The following ZNF638 variants were observed in gnomAD, a reference collection of about 807,000 sequenced individuals.
The protein encoded by ZNF638 is zinc finger protein 638.
Under a neutral mutation model 195.6 loss-of-function variants are expected in ZNF638, and 46 were observed. The observed-to-expected ratio is 0.24, with a 90% CI of 0.19 to 0.30. The LOEUF (loss-of-function observed/expected upper bound fraction) is 0.30. ZNF638 is among the 10% of genes least tolerant of loss of function. The probability of loss-of-function intolerance (pLI) is 1.00; values close to 1 mark genes in which losing one functional copy is unlikely to be tolerated. For missense variants in ZNF638, 2,440 were observed against 2,325.3 expected, an observed-to-expected ratio of 1.05 and a Z score of -1.01; for synonymous variants, 845 against 772.0, an observed-to-expected ratio of 1.09 and a Z score of -1.57.
chr2:71,357,399 C>T (rs1404904548), intron 3 of ZNF638, among the ~76,000 whole-genome samples: 1 of 152,142 alleles, frequency 6.6e-6, no homozygotes, highest in Admixed American at 6.5e-5. Context: ...CATAGGTTAT[C>T]ATGGGGAGAT....
rs780206680 is a variant in ZNF638, at chr2:71,349,524, T to G, written c.570T>G (p.Pro190=). The change falls in exon 2 of 28, where the codon CCT becomes CCG. Residue 190 remains proline, a synonymous_variant. Coordinates refer to ENST00000264447, the MANE Select transcript of ZNF638 (RefSeq NM_014497.5). ...TGGGGCGCCGATTACCTAATTTACC[T>G]TCTCAGAGCAGAAATAAAGAAACAC... ...RKMGRRLPNL[P]SQSRNKETLG... The G allele has an allele frequency of 6.2e-7, 1 of 1,614,196 alleles. No homozygotes were observed. The highest frequency in any genetic ancestry group is 8.5e-7 in the Non-Finnish European group (1 of 1,180,008).
At chr2:71,425,837 G>A (rs925472169) in intron 23 of ZNF638, among the ~76,000 whole-genome samples, 4 of 151,958 alleles carry the variant, frequency 2.6e-5, no homozygotes, top group Non-Finnish European at 5.9e-5. Flanking sequence ...GCTAATTTTT[G>A]TATTTTTAGT....
chr2:71,390,990 C>T (rs2079763784), intron 10 of ZNF638, among the ~76,000 whole-genome samples: 1 of 152,216 alleles, frequency 6.6e-6, no homozygotes, highest in African/African-American at 2.4e-5. Flanking sequence ...TTCCCCTACC[C>T]CTGACGTGGT....
At chr2:71,354,764 G>A (rs796212234) in intron 2 of ZNF638, among the ~76,000 whole-genome samples, 32 of 150,668 alleles carry the variant, frequency 2.1e-4, no homozygotes, top group South Asian at 1.1e-3. Context: ...AAAAAAAAAA[G>A]AAGCATTTCG....
At chr2:71,400,601 A>G in intron 15 of ZNF638, 83 bp downstream of exon 15, 1 of 1,186,576 alleles carries the variant, frequency 8.4e-7, no homozygotes, top group Non-Finnish European at 1.2e-6. Context: ...CAGGTAAAAA[A>G]TTCATGGTAT....
intron 8 of ZNF638, among the ~76,000 whole-genome samples, chr2:71,377,210 G>C (rs1403008481): frequency 6.6e-6 from 1 of 152,106 alleles, no homozygotes; most frequent in Non-Finnish European, 1.5e-5. Context: ...GGTTGGCTGG[G>C]TGACGGAGTG....
intron 20 of ZNF638, among the ~76,000 whole-genome samples, chr2:71,410,324 G>T (rs1382586956): frequency 3.3e-5 from 5 of 151,946 alleles, no homozygotes; most frequent in Non-Finnish European, 7.4e-5. Context: ...TAGACTATAG[G>T]GGCATGCCAC....
chr2:71,407,945 C>G, intron 19 of ZNF638, 177 bp from the exon 20 acceptor site: 1 of 516,088 alleles, frequency 1.9e-6, no homozygotes, highest in Non-Finnish European at 3.3e-6. Flanking sequence ...TGGGTTGCTT[C>G]TCCCTTTGTC....
chr2:71,365,340 C>A, intron 5 of ZNF638, 89 bp from the exon 6 acceptor site: 1 of 1,086,622 alleles, frequency 9.2e-7, no homozygotes, highest in Non-Finnish European at 1.3e-6. Context: ...CCCTGTTTAG[C>A]TTGAGAATAG....
chr2:71,340,591 G>A (rs189943342), intron 1 of ZNF638, among the ~76,000 whole-genome samples: 82 of 152,304 alleles, frequency 5.4e-4, no homozygotes, highest in Admixed American at 1.3e-3. Flanking sequence ...ATGGGTGTAT[G>A]TCTAGAAAAA....
chr2:71,373,263 CTG>C (rs1164305418), intron 8 of ZNF638, among the ~76,000 whole-genome samples: 1 of 151,496 alleles, frequency 6.6e-6, no homozygotes, highest in Non-Finnish European at 1.5e-5. Flanking sequence ...TATCTATTAA[CTG>C]TTTAAGTGAG....
At position 71,408,105 on chromosome 2, in the gene ZNF638, T is replaced by C. The variant is rs1014069483; in HGVS notation, c.3136-17T>C. The C allele has an allele frequency of 3.8e-6, 6 of 1,599,174 alleles. No homozygotes were observed. Among genetic ancestry groups the C allele is most frequent in the Admixed American group, 1.8e-5 (1 of 55,718 alleles). ...TTTTTTAAAGAACTATTCATAACTT[T>C]TTAATCTTCTCCAAAGGCAATTCTT... On this transcript the variant is annotated splice_polypyrimidine_tract_variant and intron_variant, in intron 19 of 27. Transcript: ENST00000264447.
chr2:71,427,057 C>T lies in ZNF638; in HGVS notation c.5188C>T (p.Pro1730Ser). The change falls in exon 24 of 28, where the codon CCT becomes TCT. Residue 1730 changes from proline to serine, a missense_variant. Coordinates refer to ENST00000264447, the MANE Select transcript of ZNF638 (RefSeq NM_014497.5). ...GFISSQVPED[P>S]STLVTVDEIQ... Reference sequence around the variant, plus strand: ...CATTTCTTCTCAGGTGCCCGAAGACCCTTCTACTTTAGTTACTGTAGATGA... The same window carrying T: ...CATTTCTTCTCAGGTGCCCGAAGACTCTTCTACTTTAGTTACTGTAGATGA... 6.2e-7 allele frequency: 1 copy of T among 1,613,964 alleles called. No individual in the cohort carries two copies. Among genetic ancestry groups the T allele is most frequent in the South Asian group, 1.1e-5 (1 of 91,050 alleles).
At chr2:71,424,540 T>A in intron 22 of ZNF638, 110 bp from the exon 23 acceptor site, 1 of 796,306 alleles carries the variant, frequency 1.3e-6, no homozygotes, top group East Asian at 2.6e-5. Flanking sequence ...CATAATTGAC[T>A]GTATTTGGGT....
chr2:71,408,566 G>C, intron 20 of ZNF638: 1 of 297,982 alleles, frequency 3.4e-6, no homozygotes, highest in East Asian at 9.9e-5. Context: ...ATCCATTTTG[G>C]CTTCCTCTGG....
intron 1 of ZNF638, chr2:71,334,419 A>G (rs139419398): frequency 3.2e-4 from 48 of 152,348 alleles, no homozygotes; most frequent in African/African-American, 1.1e-3. Context: ...CCAAATTGAA[A>G]GTAATTATGT....
intron 3 of ZNF638, among the ~76,000 whole-genome samples, chr2:71,358,681 T>G (rs576848454): frequency 2.1e-4 from 32 of 152,298 alleles, no homozygotes; most frequent in Non-Finnish European, 3.7e-4. Flanking sequence ...CCTTCACAGT[T>G]TCTTACCTTC....
At chr2:71,418,892 TTAAA>T (rs1347708493) in intron 21 of ZNF638, among the ~76,000 whole-genome samples, 9 of 152,196 alleles carry the variant, frequency 5.9e-5, no homozygotes, top group African/African-American at 2.2e-4. Context: ...ACAGTTTGAA[TTAAA>T]TAAACCACTT....
intron 15 of ZNF638, 65 bp downstream of exon 15, chr2:71,400,583 T>G: frequency 4.3e-6 from 6 of 1,407,468 alleles, no homozygotes; most frequent in Non-Finnish European, 5.8e-6. Context: ...ATATTTTTCT[T>G]ATAAACCCAG....
Sources: allele counts gnomAD v4.1 joint callset (sites outside exome capture counted in the v4.1 genomes callset), GRCh38; gene constraint gnomAD v4.1.1; transcripts MANE v1.5; gene names NCBI Gene and HGNC (gene_info 2026-07-23, HGNC 2026-07-21).